Variants in SLC35F3 observed in about 807,000 individuals in gnomAD.
The protein encoded by SLC35F3 is solute carrier family 35 member F3, also known as putative thiamine transporter SLC35F3.
Under a neutral mutation model 49.9 loss-of-function variants are expected in SLC35F3, and 25 were observed. That is an observed-to-expected ratio of 0.50 (90% confidence interval 0.37 to 0.70). SLC35F3 has a LOEUF of 0.70. SLC35F3 is among the 30% of genes least tolerant of loss of function. SLC35F3 has a pLI of 0.00. For missense variants in SLC35F3, 525 were observed against 639.8 expected (o/e 0.82, Z 1.94); for synonymous variants, 275 against 265.4 (o/e 1.04, Z -0.35).
intron 3 of SLC35F3, among the ~76,000 whole-genome samples, chr1:234,286,137 G>A (rs60241111): frequency 3.9e-5 from 6 of 152,036 alleles, no homozygotes; most frequent in Non-Finnish European, 5.9e-5. Flanking sequence ...TTTAAGATAG[G>A]TGTTATTATC....
intron 2 of SLC35F3, among the ~76,000 whole-genome samples, chr1:234,024,897 C>T (rs1663954859): frequency 6.6e-6 from 1 of 152,170 alleles, no homozygotes; most frequent in African/African-American, 2.4e-5. Flanking sequence ...TTGAGGTTTG[C>T]TCTACAAATG....
chr1:234,059,139 C>G (rs1415332255), intron 2 of SLC35F3, among the ~76,000 whole-genome samples: 1 of 151,550 alleles, frequency 6.6e-6, no homozygotes, highest in African/African-American at 2.4e-5. Flanking sequence ...TCGTTTCATC[C>G]ATTTTTCTCT....
At chr1:234,237,169 A>G (rs904517408) in intron 3 of SLC35F3, among the ~76,000 whole-genome samples, 3 of 151,818 alleles carry the variant, frequency 2.0e-5, no homozygotes, top group Non-Finnish European at 4.4e-5. Context: ...TGCTTTCAAA[A>G]GTAGGATTCA....
chr1:233,965,995 T>A (rs1396282709), intron 2 of SLC35F3, among the ~76,000 whole-genome samples: 2 of 152,174 alleles, frequency 1.3e-5, no homozygotes, highest in Non-Finnish European at 1.5e-5. Flanking sequence ...GAAATCTCCA[T>A]GGTCTGGGGC....
chr1:234,078,307 T>C (rs1664826944), intron 2 of SLC35F3, among the ~76,000 whole-genome samples: 2 of 152,204 alleles, frequency 1.3e-5, no homozygotes. Context: ...CTCTCCAATT[T>C]TCTCAGAATA....
intron 2 of SLC35F3, among the ~76,000 whole-genome samples, chr1:233,964,109 G>A (rs889027948): frequency 1.3e-5 from 2 of 152,194 alleles, no homozygotes; most frequent in Non-Finnish European, 2.9e-5. Context: ...CTGAGGAGTT[G>A]CCTCACTTTA....
intron 2 of SLC35F3, among the ~76,000 whole-genome samples, chr1:234,023,377 A>G (rs907990254): frequency 1.3e-5 from 2 of 152,218 alleles, no homozygotes; most frequent in African/African-American, 2.4e-5. Flanking sequence ...ACAGGAGCCA[A>G]CTGAAAGGGC....
At chr1:233,905,846 C>T (rs887877447) in intron 2 of SLC35F3, 88 bp downstream of exon 2, 7 of 1,237,342 alleles carry the variant, frequency 5.7e-6, no homozygotes, top group Middle Eastern at 1.9e-4. Flanking sequence ...CGCAGTGAGG[C>T]GTCCAGCCAC....
At chr1:234,050,646 A>G (rs1664362613) in intron 2 of SLC35F3, among the ~76,000 whole-genome samples, 1 of 152,126 alleles carries the variant, frequency 6.6e-6, no homozygotes, top group Admixed American at 6.6e-5. Flanking sequence ...GTTTAATTAG[A>G]TCCCATTTAT....
At position 234,041,609 on chromosome 1, in the gene SLC35F3, A is replaced by G. The variant is rs901431792; in HGVS notation, c.283+135851A>G. ...TGTGGCAGACTTAAAAGAAAATAGC[A>G]TAACCACAGCATGTTTTATAATTGT... On this transcript the variant is annotated intron_variant, in intron 2 of 7. Coordinates refer to ENST00000366618, the MANE Select transcript of SLC35F3 (RefSeq NM_173508.4). Among the ~76,000 whole-genome samples, 7 of 152,306 alleles carry G rather than the reference A, an allele frequency of 4.6e-5. No individual in the cohort carries two copies. The East Asian group carries it at 5.8e-4, about 13-fold the overall frequency.
chr1:233,965,970 A>T, intron 2 of SLC35F3, among the ~76,000 whole-genome samples: 1 of 152,196 alleles, frequency 6.6e-6, no homozygotes, highest in African/African-American at 2.4e-5. Context: ...TAAGTGACTT[A>T]TGGGTCTGTG....
rs1013504767 is a variant in SLC35F3, at chr1:233,984,561, G to A, written c.283+78803G>A. Among the ~76,000 whole-genome samples the A allele has an allele frequency of 7.2e-5, 11 of 152,324 alleles. No individual in the cohort carries two copies. In the Middle Eastern group the frequency reaches 0.01, roughly 141 times the overall value. ...AAGAGCGGAATGACTTGAAGTGAGG[G>A]CTTACAGGTCAGAGGTAGACTCAAA... On this transcript the variant is annotated intron_variant, in intron 2 of 7. Coordinates refer to ENST00000366618, the MANE Select transcript of SLC35F3 (RefSeq NM_173508.4).
intron 2 of SLC35F3, among the ~76,000 whole-genome samples, chr1:234,128,399 G>A (rs1288166893): frequency 6.6e-6 from 1 of 152,208 alleles, no homozygotes; most frequent in Non-Finnish European, 1.5e-5. Context: ...GCTGACCAGG[G>A]GTGAAGCAGG....
intron 3 of SLC35F3, among the ~76,000 whole-genome samples, chr1:234,294,903 G>T (rs657382): frequency 0.25 from 38,157 of 151,848 alleles, 5,530 homozygotes; most frequent in African/African-American, 0.39. Flanking sequence ...CAGGGTGCCT[G>T]GGGGGGGAAC....
chr1:234,115,524 A>G (rs1665472569), intron 2 of SLC35F3, among the ~76,000 whole-genome samples: 1 of 152,164 alleles, frequency 6.6e-6, no homozygotes, highest in Admixed American at 6.5e-5. Flanking sequence ...CTTGGAATCC[A>G]AATGCTTAGG....
At chr1:234,115,942 G>A (rs554849698) in intron 2 of SLC35F3, among the ~76,000 whole-genome samples, 9 of 152,222 alleles carry the variant, frequency 5.9e-5, no homozygotes, top group East Asian at 1.9e-4. Flanking sequence ...GTCTGGGAAC[G>A]TCAATAATTA....
chr1:234,297,373 T>A lies in SLC35F3; in HGVS notation c.609-11728T>A, dbSNP rs561792738. Among the ~76,000 whole-genome samples, 9 of 152,352 alleles carry A rather than the reference T, an allele frequency of 5.9e-5. No homozygotes were observed. The East Asian group carries it at 1.5e-3, about 26-fold the overall frequency. ...GCATTCCCATGTTACCACAGCACGA[T>A]TCACAATAGCCAGCTTCAATGTTTA... is the stretch of plus-strand genomic sequence containing the variant. On this transcript the variant is annotated intron_variant, in intron 3 of 7. Coordinates refer to ENST00000366618, the MANE Select transcript of SLC35F3 (RefSeq NM_173508.4).
intron 2 of SLC35F3, among the ~76,000 whole-genome samples, chr1:234,218,892 T>TA (rs147154703): frequency 0.13 from 19,594 of 151,628 alleles, 1,716 homozygotes; most frequent in African/African-American, 0.25. Context: ...CTACTAAAAA[T>TA]ACAAAAATTA....
chr1:234,297,593 C>T (rs1303966405), intron 3 of SLC35F3, among the ~76,000 whole-genome samples: 2 of 151,920 alleles, frequency 1.3e-5, no homozygotes, highest in Non-Finnish European at 2.9e-5. Context: ...AATAGTTAAG[C>T]TTGGGCCGGG....
Sources: allele counts gnomAD v4.1 joint callset (sites outside exome capture counted in the v4.1 genomes callset), GRCh38; gene constraint gnomAD v4.1.1; transcripts MANE v1.5; gene names NCBI Gene and HGNC (gene_info 2026-07-23, HGNC 2026-07-21).